The following PKIG variants were observed in gnomAD, a reference collection of about 807,000 sequenced individuals.
PKIG encodes the protein protein kinase (cAMP-dependent, catalytic) inhibitor gamma.
Under a neutral mutation model 6.8 loss-of-function variants are expected in PKIG, and 1 was observed. The ratio of observed to expected loss-of-function variants is 0.15; its 90% CI spans 0.05 to 0.69. PKIG has a LOEUF of 0.69. PKIG is among the 30% of genes least tolerant of loss of function. PKIG has a pLI of 0.82. For synonymous variants in PKIG, 39 were observed against 43.0 expected, an observed-to-expected ratio of 0.91 and a Z score of 0.36; for missense variants, 77 against 104.0, an observed-to-expected ratio of 0.74 and a Z score of 1.13.
At chr20:44,552,444 C>T (rs1056837429) in intron 1 of PKIG, among the ~76,000 whole-genome samples, 3 of 152,134 alleles carry the variant, frequency 2.0e-5, no homozygotes, top group African/African-American at 7.2e-5. Flanking sequence ...CATTTACTTC[C>T]AATTTTGCTT....
intron 1 of PKIG, among the ~76,000 whole-genome samples, chr20:44,588,297 G>A (rs2065006674): frequency 6.6e-6 from 1 of 152,204 alleles, no homozygotes; most frequent in South Asian, 2.1e-4. Flanking sequence ...TAAGCAGGGG[G>A]AGTGAAAGAG....
chr20:44,604,629 G>T (rs555425135), intron 2 of PKIG, among the ~76,000 whole-genome samples: 1 of 152,188 alleles, frequency 6.6e-6, no homozygotes, highest in Non-Finnish European at 1.5e-5. Context: ...GATTAGAATC[G>T]TGCCTACTCG....
intron 2 of PKIG, among the ~76,000 whole-genome samples, chr20:44,610,496 T>TCACACACACA (rs1466815546): frequency 2.7e-5 from 3 of 111,514 alleles, no homozygotes; most frequent in African/African-American, 1.3e-4. Context: ...TCTCTCTCTC[T>TCACACACACA]CTCTCACACA....
At chr20:44,577,934 G>A (rs1475956764), upstream of PKIG, among the ~76,000 whole-genome samples, 2 of 152,166 alleles carry the variant, frequency 1.3e-5, no homozygotes, top group African/African-American at 4.8e-5. Flanking sequence ...CTGGTGGGAG[G>A]TGTGTGGGTT....
chr20:44,587,967 G>A (rs181155765), intron 1 of PKIG, among the ~76,000 whole-genome samples: 90 of 152,252 alleles, frequency 5.9e-4, no homozygotes, highest in Admixed American at 1.6e-3. Flanking sequence ...TGCAAGGTGC[G>A]GTGGGGAATG....
chr20:44,584,041 A>G (rs867824135), intron 1 of PKIG, among the ~76,000 whole-genome samples: 3 of 152,202 alleles, frequency 2.0e-5, no homozygotes, highest in Non-Finnish European at 4.4e-5. Flanking sequence ...AGAGGAAAGA[A>G]GGAATTGGCA....
intron 2 of PKIG, among the ~76,000 whole-genome samples, chr20:44,597,090 G>A (rs2065081628): frequency 1.3e-5 from 2 of 152,096 alleles, no homozygotes; most frequent in African/African-American, 2.4e-5. Flanking sequence ...CTCTCATCAT[G>A]TGTGTGGGCT....
intron 3 of PKIG, among the ~76,000 whole-genome samples, chr20:44,616,421 GC>G (rs1317743041): frequency 6.6e-6 from 1 of 152,190 alleles, no homozygotes; most frequent in African/African-American, 2.4e-5. Flanking sequence ...AGCATGTCCA[GC>G]TGCCACACTG....
chr20:44,546,983 C>T (rs1191375144), intron 1 of PKIG, among the ~76,000 whole-genome samples: 3 of 152,190 alleles, frequency 2.0e-5, no homozygotes, highest in Admixed American at 1.3e-4. Flanking sequence ...TAACATTTCT[C>T]ATAAATAGTC....
chr20:44,566,270 T>C (rs1201996406), intron 1 of PKIG, among the ~76,000 whole-genome samples: 1 of 152,150 alleles, frequency 6.6e-6, no homozygotes, highest in African/African-American at 2.4e-5. Flanking sequence ...AGTGGCAGAG[T>C]TGAGTAGTTA....
intron 1 of PKIG, among the ~76,000 whole-genome samples, chr20:44,538,953 C>G (rs1474566212): frequency 1.3e-5 from 2 of 151,588 alleles, no homozygotes; most frequent in East Asian, 3.9e-4. Context: ...GACACAGAGC[C>G]TCACTCTTTT....
chr20:44,533,426 G>A (rs2064485347), intron 1 of PKIG, among the ~76,000 whole-genome samples: 1 of 152,208 alleles, frequency 6.6e-6, no homozygotes, highest in Admixed American at 6.5e-5. Flanking sequence ...ATCACAGATT[G>A]GTGGAGAAAA....
intron 1 of PKIG, among the ~76,000 whole-genome samples, chr20:44,559,670 G>GA (rs2064749507): frequency 6.6e-6 from 1 of 152,198 alleles, no homozygotes; most frequent in Admixed American, 6.5e-5. Flanking sequence ...CTGGATGTTG[G>GA]AAAACTTAAA....
intron 2 of PKIG, among the ~76,000 whole-genome samples, chr20:44,610,861 C>T (rs1378210630): frequency 6.6e-6 from 1 of 151,796 alleles, no homozygotes; most frequent in Non-Finnish European, 1.5e-5. Flanking sequence ...CCATCTGGCA[C>T]ATTTCTTTAT....
chr20:44,580,520 T>G (rs1371541217), upstream of PKIG, among the ~76,000 whole-genome samples: 1 of 151,888 alleles, frequency 6.6e-6, no homozygotes, highest in Non-Finnish European at 1.5e-5. Flanking sequence ...TAATTTTTTT[T>G]GTATTTTAGT....
At chr20:44,583,777 C>A (rs556883457) in intron 1 of PKIG, among the ~76,000 whole-genome samples, 2 of 152,280 alleles carry the variant, frequency 1.3e-5, no homozygotes, top group Admixed American at 6.5e-5. Flanking sequence ...AATGAACTGT[C>A]CATATTTCTT....
Position 44,597,000 on chromosome 20 carries a change from G to C in PKIG, c.-24+7134G>C, listed in dbSNP as rs1214510070. 1.2e-4 allele frequency among the ~76,000 whole-genome samples: 19 copies of C among 152,016 alleles called. 1 individual carries two copies. Among genetic ancestry groups the C allele is most frequent in the Admixed American group, 1.2e-3 (19 of 15,250 alleles). ...TCTTATTAGTCTTTCTGGGCAGCAG[G>C]CTCCCCTTGCCTCTTGCATGCTGTG... On this transcript the variant is annotated intron_variant, in intron 2 of 3. Transcript: ENST00000372886.
intron 1 of PKIG, among the ~76,000 whole-genome samples, chr20:44,540,118 G>A (rs185569726): frequency 2.6e-5 from 4 of 151,786 alleles, no homozygotes; most frequent in Admixed American, 1.3e-4. Flanking sequence ...ATGCCACCAC[G>A]CCTGGCTAAT....
chr20:44,573,258 T>C (rs1157034386), intron 1 of PKIG, among the ~76,000 whole-genome samples: 1 of 152,228 alleles, frequency 6.6e-6, no homozygotes, highest in Non-Finnish European at 1.5e-5. Flanking sequence ...ATATTTCCTT[T>C]GGAAAAAATG....
Sources: allele counts gnomAD v4.1 joint callset (sites outside exome capture counted in the v4.1 genomes callset), GRCh38; gene constraint gnomAD v4.1.1; transcripts MANE v1.5; gene names NCBI Gene and HGNC (gene_info 2026-07-23, HGNC 2026-07-21).